The following NAV2 variants were observed in gnomAD, a reference collection of about 807,000 sequenced individuals.
NAV2 encodes the protein neuron navigator 2, also known as helicase, APC down-regulated 1.
A neutral mutation model predicts 223.2 loss-of-function variants in NAV2; 54 were observed. The observed-to-expected ratio is 0.24, with a 90% CI of 0.19 to 0.30. NAV2 has a LOEUF of 0.30. NAV2 is among the 10% of genes least tolerant of loss of function. The pLI is 1.00. For synonymous variants in NAV2, 1,279 were observed against 1,239.3 expected, an observed-to-expected ratio of 1.03 and a Z score of -0.67; for missense variants, 2,806 against 3,147.5, an observed-to-expected ratio of 0.89 and a Z score of 2.60.
rs148633328 is a variant in NAV2, at chr11:19,749,284, G to A, written c.267+35322G>A. ...AAGATGCTGAAACCAAGCAAGGTGTGAGGAGTAGGTGGGGGCATCTCCCTC... is the reference window on the plus strand; with the variant it reads ...AAGATGCTGAAACCAAGCAAGGTGTAAGGAGTAGGTGGGGGCATCTCCCTC... On this transcript the variant is annotated intron_variant, in intron 1 of 37. Transcript: ENST00000349880. 1.1e-3 allele frequency among the ~76,000 whole-genome samples: 170 copies of A among 152,326 alleles called. 2 individuals are homozygous for A. Among genetic ancestry groups the A allele is most frequent in the African/African-American group, 4.0e-3 (165 of 41,568 alleles).
intron 3 of NAV2, among the ~76,000 whole-genome samples, chr11:19,850,439 C>T (rs1212644435): frequency 2.0e-5 from 3 of 152,144 alleles, no homozygotes; most frequent in South Asian, 2.1e-4. Flanking sequence ...GGTAGATGGA[C>T]AGACGGAAAG....
intron 1 of NAV2, among the ~76,000 whole-genome samples, chr11:19,565,752 T>A (rs973969290): frequency 1.3e-5 from 2 of 152,198 alleles, no homozygotes; most frequent in African/African-American, 4.8e-5. Context: ...TGCAAACATG[T>A]GTGCACCCAA....
intron 1 of NAV2, among the ~76,000 whole-genome samples, chr11:19,614,204 A>G (rs1433495282): frequency 2.0e-5 from 3 of 152,130 alleles, no homozygotes; most frequent in African/African-American, 7.2e-5. Flanking sequence ...GATAAAGCAA[A>G]TAAAATCTGG....
At chr11:19,922,368 A>G (rs941765221) in intron 6 of NAV2, among the ~76,000 whole-genome samples, 1 of 152,046 alleles carries the variant, frequency 6.6e-6, no homozygotes, top group African/African-American at 2.4e-5. Context: ...TCTGTTCTCT[A>G]AAGCTGAGGG....
chr11:20,116,472 C>T (rs1240681986), intron 37 of NAV2, among the ~76,000 whole-genome samples: 4 of 152,302 alleles, frequency 2.6e-5, no homozygotes, highest in East Asian at 1.9e-4. Flanking sequence ...CCGTTTGCAA[C>T]GTTAACCATT....
intron 11 of NAV2, among the ~76,000 whole-genome samples, chr11:20,006,990 C>A (rs2053140500): frequency 6.6e-6 from 1 of 151,868 alleles, no homozygotes; most frequent in East Asian, 1.9e-4. Context: ...GTGTCTCACT[C>A]TTGTCACCCA....
At chr11:20,018,789 T>C (rs570832582) in intron 11 of NAV2, among the ~76,000 whole-genome samples, 1 of 151,992 alleles carries the variant, frequency 6.6e-6, no homozygotes, top group South Asian at 2.1e-4. Context: ...ATGAAGAAAA[T>C]CATATGGTGG....
At chr11:20,113,750 T>G (rs1394981391) in intron 36 of NAV2, among the ~76,000 whole-genome samples, 1 of 152,168 alleles carries the variant, frequency 6.6e-6, no homozygotes, top group Non-Finnish European at 1.5e-5. Flanking sequence ...GGCTCACACC[T>G]ATAATCCCAG....
intron 11 of NAV2, among the ~76,000 whole-genome samples, chr11:19,994,693 A>G (rs1322126360): frequency 6.6e-6 from 1 of 152,198 alleles, no homozygotes; most frequent in East Asian, 1.9e-4. Context: ...TGGTTTCACT[A>G]TAACCTTTTG....
chr11:19,892,748 G>A (rs975782620), intron 6 of NAV2, among the ~76,000 whole-genome samples, 154 bp downstream of exon 6: 2 of 152,184 alleles, frequency 1.3e-5, no homozygotes. Flanking sequence ...AACTTTAGTA[G>A]CCAGAGGTAT....
At chr11:19,654,312 C>T (rs934652290) in intron 1 of NAV2, among the ~76,000 whole-genome samples, 8 of 152,174 alleles carry the variant, frequency 5.3e-5, no homozygotes, top group African/African-American at 1.9e-4. Flanking sequence ...AATGGCCATA[C>T]TGCCAAAGGT....
upstream of NAV2, chr11:19,350,718 CTTAG>C (rs1853258954): frequency 2.9e-5 from 16 of 547,462 alleles, no homozygotes; most frequent in South Asian, 3.3e-4. Context: ...AACCCCAAGA[CTTAG>C]CTCTCATGAT....
rs1371766704 is a variant in NAV2, at chr11:20,089,056, G to A, written c.5499-1809G>A. Among the ~76,000 whole-genome samples the A allele has an allele frequency of 2.6e-5, 4 of 151,756 alleles. No homozygotes were observed. In the East Asian group the frequency reaches 7.7e-4, roughly 29 times the overall value. On this transcript the variant is annotated intron_variant, in intron 26 of 37. Transcript: ENST00000349880. ...TATCAGTAAACCTCACAAACCACAGGCTATTCAAAGTACAGAGAGCTGAGA... is the reference window on the plus strand; with the variant it reads ...TATCAGTAAACCTCACAAACCACAGACTATTCAAAGTACAGAGAGCTGAGA...
intron 1 of NAV2, among the ~76,000 whole-genome samples, chr11:19,810,245 C>T (rs1218105759): frequency 6.6e-6 from 1 of 152,188 alleles, no homozygotes; most frequent in Non-Finnish European, 1.5e-5. Flanking sequence ...TTTCAGTTGG[C>T]TCCTGTGTCA....
chr11:20,049,554 G>C (rs1394114770), intron 15 of NAV2, among the ~76,000 whole-genome samples: 1 of 151,826 alleles, frequency 6.6e-6, no homozygotes, highest in African/African-American at 2.4e-5. Context: ...AGGTGACTGG[G>C]TGCAGACATG....
At chr11:20,074,171 T>C (rs1298190578) in intron 22 of NAV2, among the ~76,000 whole-genome samples, 1 of 152,244 alleles carries the variant, frequency 6.6e-6, no homozygotes, top group Non-Finnish European at 1.5e-5. Flanking sequence ...TCTTTATTTC[T>C]GCCTTCATTT....
At chr11:19,577,938 A>G (rs149520449) in intron 1 of NAV2, among the ~76,000 whole-genome samples, 102 of 152,326 alleles carry the variant, frequency 6.7e-4, no homozygotes, top group African/African-American at 2.4e-3. Flanking sequence ...AAATAGACTC[A>G]AAATCAGCAG....
chr11:19,808,148 C>T (rs768101178), intron 1 of NAV2, among the ~76,000 whole-genome samples: 1 of 152,210 alleles, frequency 6.6e-6, no homozygotes, highest in Non-Finnish European at 1.5e-5. Context: ...ATATAAAGGA[C>T]TTAGTGTGTG....
intron 1 of NAV2, among the ~76,000 whole-genome samples, chr11:19,401,436 C>G (rs771101339): frequency 2.0e-5 from 3 of 152,178 alleles, no homozygotes; most frequent in Non-Finnish European, 2.9e-5. Context: ...TTGGCATTTC[C>G]CACCTAATAA....
Sources: gnomAD v4.1 joint callset for allele counts (sites outside exome capture counted in the v4.1 genomes callset) on GRCh38, gnomAD v4.1.1 for gene constraint, MANE v1.5 for transcripts, NCBI Gene and HGNC (gene_info 2026-07-23, HGNC 2026-07-21) for gene names.